Variants in MACROD2 observed in about 807,000 individuals in gnomAD.
MACROD2 encodes the protein ADP-ribose glycohydrolase MACROD2.
In MACROD2, 36 loss-of-function variants were observed where a neutral mutation model predicts 70.4. The ratio of observed to expected loss-of-function variants is 0.51; its 90% CI spans 0.39 to 0.68. The LOEUF (loss-of-function observed/expected upper bound fraction) is 0.68. Among genes scored for constraint, MACROD2 ranks in the 30% least tolerant of loss-of-function variants. The probability of loss-of-function intolerance (pLI) is 0.00; values close to 1 mark genes in which losing one functional copy is unlikely to be tolerated. For synonymous variants in MACROD2, 172 were observed against 178.8 expected (o/e 0.96, Z 0.30); for missense variants, 496 against 538.4 (o/e 0.92, Z 0.78).
chr20:14,737,784 G>A (rs917057725), intron 5 of MACROD2, among the ~76,000 whole-genome samples: 43 of 152,176 alleles, frequency 2.8e-4, no homozygotes, highest in Non-Finnish European at 8.8e-5. Flanking sequence ...TCCTTCATCC[G>A]CTTTTTGATG....
At chr20:14,816,526 A>G (rs1020425797) in intron 5 of MACROD2, among the ~76,000 whole-genome samples, 1 of 152,086 alleles carries the variant, frequency 6.6e-6, no homozygotes, top group African/African-American at 2.4e-5. Context: ...TCCATTTTTC[A>G]TCTGTATAAA....
intron 6 of MACROD2, among the ~76,000 whole-genome samples, chr20:15,405,136 G>T (rs1379091849): frequency 6.6e-6 from 1 of 151,686 alleles, no homozygotes; most frequent in Non-Finnish European, 1.5e-5. Context: ...AGGGCAGGGG[G>T]TAATGAGGAG....
chr20:15,454,379 C>G (rs1383524124), intron 7 of MACROD2, among the ~76,000 whole-genome samples: 1 of 149,956 alleles, frequency 6.7e-6, no homozygotes, highest in Admixed American at 6.7e-5. Context: ...CTAACAAATG[C>G]TATATCCCTC....
chr20:14,432,369 T>A (rs2084003934), intron 3 of MACROD2, among the ~76,000 whole-genome samples: 1 of 152,218 alleles, frequency 6.6e-6, no homozygotes, highest in South Asian at 2.1e-4. Flanking sequence ...TATTTTTATA[T>A]GTATTCATTA....
At chr20:15,594,083 G>A (rs1025627642) in intron 8 of MACROD2, among the ~76,000 whole-genome samples, 1 of 152,162 alleles carries the variant, frequency 6.6e-6, no homozygotes, top group Non-Finnish European at 1.5e-5. Context: ...TCAGCATGGT[G>A]GTTTGGAATA....
intron 3 of MACROD2, among the ~76,000 whole-genome samples, chr20:14,166,811 T>C (rs1406733139): frequency 1.3e-5 from 2 of 152,196 alleles, no homozygotes; most frequent in Non-Finnish European, 2.9e-5. Flanking sequence ...TGTCCCATAA[T>C]AGATTTCCTT....
chr20:15,741,218 A>G lies in MACROD2; in HGVS notation c.646-121527A>G, dbSNP rs551464922. ...GTGATTTCCTTGCCTCAGCCTCCCA[A>G]GTAGCTGGGACTACAGGCACACACC... On this transcript the variant is annotated intron_variant, in intron 8 of 17. Transcript: ENST00000684519. 8.6e-5 allele frequency among the ~76,000 whole-genome samples: 13 copies of G among 150,798 alleles called. No individual in the cohort carries two copies. In the South Asian group the frequency reaches 2.3e-3, roughly 27 times the overall value.
At chr20:14,026,658 G>A (rs1406038230) in intron 2 of MACROD2, among the ~76,000 whole-genome samples, 3 of 152,124 alleles carry the variant, frequency 2.0e-5, no homozygotes, top group African/African-American at 7.2e-5. Context: ...CTTTAAGAAC[G>A]TTGAATATTG....
chr20:15,286,981 C>T (rs552600617), intron 6 of MACROD2, among the ~76,000 whole-genome samples: 1 of 152,286 alleles, frequency 6.6e-6, no homozygotes, highest in East Asian at 1.9e-4. Flanking sequence ...AGAGACGCTA[C>T]ACTGCATTTC....
chr20:14,670,825 A>G (rs560894832), intron 4 of MACROD2, among the ~76,000 whole-genome samples: 4 of 152,276 alleles, frequency 2.6e-5, no homozygotes, highest in African/African-American at 9.6e-5. Context: ...CTACCACACC[A>G]TAGTGTAGTC....
At chr20:14,593,587 GA>G (rs960098880) in intron 4 of MACROD2, among the ~76,000 whole-genome samples, 2 of 152,042 alleles carry the variant, frequency 1.3e-5, no homozygotes, top group African/African-American at 4.8e-5. Context: ...ACAGACAAAA[GA>G]AAACAAAGTA....
At chr20:15,727,136 GAGTTC>G (rs2050875407) in intron 8 of MACROD2, among the ~76,000 whole-genome samples, 1 of 152,082 alleles carries the variant, frequency 6.6e-6, no homozygotes, top group African/African-American at 2.4e-5. Context: ...TATAAGGAAG[GAGTTC>G]AGTTTCAATC....
intron 5 of MACROD2, among the ~76,000 whole-genome samples, chr20:15,118,302 C>T (rs1251363302): frequency 1.3e-5 from 2 of 151,568 alleles, no homozygotes; most frequent in Non-Finnish European, 2.9e-5. Flanking sequence ...AAGCGACTCT[C>T]CTTCCTCAGC....
chr20:15,602,518 A>G (rs548880721), intron 8 of MACROD2, among the ~76,000 whole-genome samples: 1 of 152,316 alleles, frequency 6.6e-6, no homozygotes, highest in African/African-American at 2.4e-5. Flanking sequence ...AAACTTCAGT[A>G]GCTACTTCAG....
At chr20:14,288,319 A>G (rs2082360572) in intron 3 of MACROD2, among the ~76,000 whole-genome samples, 1 of 152,206 alleles carries the variant, frequency 6.6e-6, no homozygotes, top group Non-Finnish European at 1.5e-5. Context: ...GCAGAGGAGT[A>G]AGATAAAAGA....
At chr20:14,810,371 C>A (rs1219620808) in intron 5 of MACROD2, among the ~76,000 whole-genome samples, 8 of 151,986 alleles carry the variant, frequency 5.3e-5, no homozygotes, top group Admixed American at 3.9e-4. Context: ...CAGGAAAAGC[C>A]TTTGATAAAA....
chr20:14,760,688 A>C (rs2123752340), intron 5 of MACROD2, among the ~76,000 whole-genome samples: 1 of 152,144 alleles, frequency 6.6e-6, no homozygotes, highest in Non-Finnish European at 1.5e-5. Flanking sequence ...ATTCTGAGTT[A>C]TCTGCTATCC....
At chr20:14,629,877 C>A (rs1301448581) in intron 4 of MACROD2, among the ~76,000 whole-genome samples, 1 of 152,114 alleles carries the variant, frequency 6.6e-6, no homozygotes, top group African/African-American at 2.4e-5. Context: ...GATTTATCTC[C>A]ATTTCTCTGT....
chr20:15,160,843 C>T (rs547246013), intron 5 of MACROD2, among the ~76,000 whole-genome samples: 35 of 152,204 alleles, frequency 2.3e-4, no homozygotes, highest in African/African-American at 8.4e-4. Context: ...ACTGAATTAT[C>T]TGTGCTTAAT....
Sources: gnomAD v4.1 joint callset for allele counts (sites outside exome capture counted in the v4.1 genomes callset) on GRCh38, gnomAD v4.1.1 for gene constraint, MANE v1.5 for transcripts, NCBI Gene and HGNC (gene_info 2026-07-23, HGNC 2026-07-21) for gene names.